The following UNC13C variants were observed in gnomAD, a reference collection of about 807,000 sequenced individuals.
The protein encoded by UNC13C is unc-13 homolog C.
In UNC13C, 174 loss-of-function variants were observed where a neutral mutation model predicts 245.4. The ratio of observed to expected loss-of-function variants is 0.71; its 90% confidence interval spans 0.63 to 0.80. UNC13C has a LOEUF of 0.80. Among genes scored for constraint, UNC13C ranks in the 30% least tolerant of loss-of-function variants. The probability of loss-of-function intolerance (pLI) is 0.00; values close to 1 mark genes in which losing one functional copy is unlikely to be tolerated. For missense variants in UNC13C, 2,829 were observed against 2,602.9 expected, an observed-to-expected ratio of 1.09 and a Z score of -1.89; for synonymous variants, 992 against 895.1, an observed-to-expected ratio of 1.11 and a Z score of -1.93.
intron 4 of UNC13C, among the ~76,000 whole-genome samples, chr15:54,230,748 T>C (rs1030972298): frequency 6.6e-6 from 1 of 152,020 alleles, no homozygotes; most frequent in Non-Finnish European, 1.5e-5. Context: ...AGAGTGTATA[T>C]TTTAAAGGTC....
chr15:54,183,290 A>G (rs2033861061), intron 4 of UNC13C, among the ~76,000 whole-genome samples: 1 of 151,506 alleles, frequency 6.6e-6, no homozygotes, highest in African/African-American at 2.4e-5. Flanking sequence ...CTGATTGTAC[A>G]TAGGTGACAG....
chr15:54,004,712 C>T (rs1156430257), intron 1 of UNC13C, among the ~76,000 whole-genome samples: 3 of 152,118 alleles, frequency 2.0e-5, no homozygotes, highest in Non-Finnish European at 2.9e-5. Context: ...TTAACCGGAG[C>T]GAGGTATCTC....
At chr15:53,926,439 T>C in the UNC13C span, among the ~76,000 whole-genome samples, 42 of 152,200 alleles carry the variant, frequency 2.8e-4, no homozygotes, top group African/African-American at 1.0e-3. Context: ...AAGTGTTCTA[T>C]GTATATTAAG....
intron 4 of UNC13C, among the ~76,000 whole-genome samples, chr15:54,150,353 C>G (rs900474197): frequency 6.6e-6 from 1 of 152,200 alleles, no homozygotes; most frequent in African/African-American, 2.4e-5. Context: ...TCGAAAGGAG[C>G]CTCATGTGAG....
intron 2 of UNC13C, among the ~76,000 whole-genome samples, chr15:54,089,862 T>G (rs1245540942): frequency 3.3e-5 from 5 of 152,148 alleles, no homozygotes; most frequent in African/African-American, 1.2e-4. Flanking sequence ...TGAGGTTTGG[T>G]TCCATGTTCC....
the UNC13C span, among the ~76,000 whole-genome samples, chr15:53,863,879 C>A: frequency 1.3e-5 from 2 of 152,140 alleles, no homozygotes; most frequent in Non-Finnish European, 2.9e-5. Flanking sequence ...AGTGATGCCC[C>A]TTGATGAACA....
rs550716430 is a variant in UNC13C, at chr15:54,009,899, A to G, written c.-256-2749A>G. ...GATCAAGGGACTGTGCTGAAAGCCA[A>G]TAACCATTAGTGCCTACTCCTCAAA... On this transcript the variant is annotated intron_variant, in intron 1 of 32. Coordinates refer to ENST00000260323, the MANE Select transcript of UNC13C (RefSeq NM_001080534.3). Among the ~76,000 whole-genome samples the G allele has an allele frequency of 9.2e-4, 140 of 152,286 alleles. 1 individual carries two copies. The Middle Eastern group carries it at 0.01, about 11-fold the overall frequency.
At chr15:54,589,551 C>T (rs1170173748) in intron 30 of UNC13C, among the ~76,000 whole-genome samples, 1 of 152,094 alleles carries the variant, frequency 6.6e-6, no homozygotes, top group African/African-American at 2.4e-5. Context: ...CCTGCCTCAG[C>T]CTCCCAAAGT....
At chr15:53,932,636 C>T in the UNC13C span, among the ~76,000 whole-genome samples, 30 of 152,124 alleles carry the variant, frequency 2.0e-4, no homozygotes, top group African/African-American at 7.2e-4. Flanking sequence ...CCACTCTAAC[C>T]CTTTCTTCTG....
intron 32 of UNC13C, among the ~76,000 whole-genome samples, chr15:54,624,742 A>T (rs1486402428): frequency 3.3e-5 from 5 of 152,164 alleles, no homozygotes; most frequent in African/African-American, 1.2e-4. Context: ...AAGATTCTGT[A>T]TCATGTGTGG....
Position 54,207,130 on chromosome 15 carries a change from GTGATGA to G in UNC13C, c.3072-27883_3072-27878del, listed in dbSNP as rs11458939. Among the ~76,000 whole-genome samples, 6 of 150,608 alleles carry G rather than the reference GTGATGA, an allele frequency of 4.0e-5. No homozygotes were observed. In the East Asian group the frequency reaches 5.9e-4, roughly 15 times the overall value. On this transcript the variant is annotated intron_variant, in intron 4 of 32. Coordinates refer to ENST00000260323, the MANE Select transcript of UNC13C (RefSeq NM_001080534.3). ...ATTGATGATGATGATGATGATGATG[GTGATGA>G]TGATGATGATGATGATAATTACAAG...
At chr15:53,885,693 C>T in the UNC13C span, among the ~76,000 whole-genome samples, 336 of 152,264 alleles carry the variant, frequency 2.2e-3, 1 homozygote, top group African/African-American at 7.7e-3. Flanking sequence ...TCGATCATGA[C>T]CCTTATGATG....
At chr15:54,322,948 A>G (rs1365706779) in intron 14 of UNC13C, among the ~76,000 whole-genome samples, 1 of 151,698 alleles carries the variant, frequency 6.6e-6, no homozygotes, top group Non-Finnish European at 1.5e-5. Flanking sequence ...GTTTCTGGTC[A>G]GGGCAAATGG....
At chr15:54,280,059 T>C (rs2036935593) in intron 10 of UNC13C, among the ~76,000 whole-genome samples, 1 of 152,170 alleles carries the variant, frequency 6.6e-6, no homozygotes, top group South Asian at 2.1e-4. Flanking sequence ...CAGATATGCA[T>C]ATAATATGCA....
At chr15:54,309,893 C>T (rs1286747059) in intron 13 of UNC13C, among the ~76,000 whole-genome samples, 3 of 151,750 alleles carry the variant, frequency 2.0e-5, no homozygotes, top group Non-Finnish European at 4.4e-5. Flanking sequence ...TCATTATTTG[C>T]AGTAAGTATC....
upstream of UNC13C, among the ~76,000 whole-genome samples, chr15:53,976,477 C>CTTTTTTTTTTTTTTTTTTTTT (rs10682648): frequency 6.3e-4 from 40 of 63,012 alleles, 7 homozygotes; most frequent in Non-Finnish European, 9.4e-4. Flanking sequence ...CTCTCTCTCT[C>CTTTTTTTTTTTTTTTTTTTTT]TTTTTTTTTT....
intron 2 of UNC13C, among the ~76,000 whole-genome samples, chr15:54,105,440 C>G (rs1461981445): frequency 6.6e-6 from 1 of 152,054 alleles, no homozygotes; most frequent in Non-Finnish European, 1.5e-5. Flanking sequence ...CACATTAGAC[C>G]CTTTCCCATT....
intron 1 of UNC13C, among the ~76,000 whole-genome samples, chr15:53,983,674 C>A (rs748949501): frequency 1.3e-5 from 2 of 151,602 alleles, no homozygotes; most frequent in African/African-American, 2.4e-5. Flanking sequence ...TTTCATTCTC[C>A]ATTTGGCCTT....
chr15:53,896,634 G>T, the UNC13C span, among the ~76,000 whole-genome samples: 1 of 151,650 alleles, frequency 6.6e-6, no homozygotes, highest in Non-Finnish European at 1.5e-5. Context: ...TTCCTTAAAG[G>T]GAACCAGGTC....
Sources: allele counts gnomAD v4.1 joint callset (sites outside exome capture counted in the v4.1 genomes callset), GRCh38; gene constraint gnomAD v4.1.1; transcripts MANE v1.5; gene names NCBI Gene and HGNC (gene_info 2026-07-23, HGNC 2026-07-21).